Variants in HUNK observed in about 807,000 individuals in gnomAD.
HUNK encodes hormonally up-regulated Neu-associated kinase.
Under a neutral mutation model 61.0 loss-of-function variants are expected in HUNK, and 21 were observed. That is an observed-to-expected ratio of 0.34 (90% confidence interval 0.24 to 0.50). The LOEUF (loss-of-function observed/expected upper bound fraction) is 0.50, where lower values mean the gene tolerates loss of function less well. Among genes scored for constraint, HUNK ranks in the 20% least tolerant of loss-of-function variants. HUNK has a pLI of 0.98. For missense variants in HUNK, 772 were observed against 945.7 expected, an observed-to-expected ratio of 0.82 and a Z score of 2.41; for synonymous variants, 371 against 386.1, an observed-to-expected ratio of 0.96 and a Z score of 0.46.
intron 9 of HUNK, among the ~76,000 whole-genome samples, chr21:31,991,685 C>G (rs1006667140): frequency 7.2e-5 from 11 of 152,184 alleles, no homozygotes; most frequent in African/African-American, 1.7e-4. Context: ...GACCAAACAG[C>G]CTGGTGAGGC....
intron 5 of HUNK, among the ~76,000 whole-genome samples, chr21:31,964,390 C>T (rs1034841893): frequency 1.3e-5 from 2 of 152,242 alleles, no homozygotes; most frequent in African/African-American, 4.8e-5. Flanking sequence ...AGCCCTTTCA[C>T]TTGGTACAGT....
intron 6 of HUNK, among the ~76,000 whole-genome samples, chr21:31,973,116 C>G (rs567341712): frequency 6.6e-6 from 1 of 151,594 alleles, no homozygotes; most frequent in African/African-American, 2.4e-5. Context: ...TCCGATTGCC[C>G]TCTTTGTATC....
chr21:31,971,360 C>G (rs1281396602), intron 6 of HUNK, among the ~76,000 whole-genome samples: 1 of 152,140 alleles, frequency 6.6e-6, no homozygotes, highest in South Asian at 2.1e-4. Flanking sequence ...GCGTGAGCCA[C>G]CACCGTGCCT....
intron 1 of HUNK, among the ~76,000 whole-genome samples, chr21:31,885,238 A>G (rs1469034452): frequency 6.6e-6 from 1 of 152,248 alleles, no homozygotes; most frequent in African/African-American, 2.4e-5. Flanking sequence ...TAACTTGGAC[A>G]TAAAATGCAC....
intron 2 of HUNK, among the ~76,000 whole-genome samples, chr21:31,934,287 CA>C (rs1432528442): frequency 1.3e-5 from 2 of 151,492 alleles, no homozygotes; most frequent in Non-Finnish European, 2.9e-5. Flanking sequence ...ACTAAAAATA[CA>C]AAAAATTAGC....
chr21:31,914,400 C>T (rs1396611279), intron 1 of HUNK, among the ~76,000 whole-genome samples: 2 of 91,176 alleles, frequency 2.2e-5, no homozygotes, highest in Non-Finnish European at 3.9e-5. Context: ...AAGAGTGAAA[C>T]TCTGTCTCAA....
intron 7 of HUNK, among the ~76,000 whole-genome samples, chr21:31,979,433 A>G (rs997169474): frequency 9.8e-6 from 1 of 102,524 alleles, no homozygotes; most frequent in Non-Finnish European, 2.1e-5. Flanking sequence ...GGCCATTTCT[A>G]TGTCTTCTTT....
chr21:31,957,281 G>T (rs888589605), intron 4 of HUNK, among the ~76,000 whole-genome samples: 1 of 152,204 alleles, frequency 6.6e-6, no homozygotes, highest in Non-Finnish European at 1.5e-5. Flanking sequence ...CTATAGTCTT[G>T]CCTGGGGCAG....
In HUNK at chr21:31,968,335, T is replaced by G. The variant is rs61743707; in HGVS notation, c.960T>G (p.Leu320=). ...NIQQALANRW[L]NENYTGKVPC... ...AGCAGGCACTGGCGAATCGCTGGCT[T>G]AATGAGAATTACACGGGCAAAGTGC... The change falls in exon 6 of 11, where the codon CTT becomes CTG. Residue 320 remains leucine, a synonymous_variant. Coordinates refer to ENST00000270112, the MANE Select transcript of HUNK (RefSeq NM_014586.2). The G allele has an allele frequency of 2.5e-3, 4,025 of 1,614,180 alleles. 90 individuals carry two copies. In the African/African-American group the frequency reaches 0.046, roughly 19 times the overall value.
chr21:31,929,983 G>C (rs1482041348), intron 2 of HUNK, among the ~76,000 whole-genome samples: 1 of 152,222 alleles, frequency 6.6e-6, no homozygotes, highest in East Asian at 1.9e-4. Flanking sequence ...AGGGCCTTCT[G>C]CTGAGAGCAA....
At chr21:31,897,910 C>T (rs1356152707) in intron 1 of HUNK, among the ~76,000 whole-genome samples, 1 of 152,144 alleles carries the variant, frequency 6.6e-6, no homozygotes, top group East Asian at 1.9e-4. Flanking sequence ...GAGATGCTCA[C>T]CTCCTCCCCT....
chr21:31,949,056 C>A (rs1460399241), intron 4 of HUNK, among the ~76,000 whole-genome samples: 5 of 152,224 alleles, frequency 3.3e-5, no homozygotes, highest in African/African-American at 1.2e-4. Flanking sequence ...CTCTTGCCCC[C>A]AGTTTGCACG....
chr21:31,993,457 GTGT>G (rs1016082572), intron 9 of HUNK, among the ~76,000 whole-genome samples: 108 of 152,342 alleles, frequency 7.1e-4, no homozygotes, highest in African/African-American at 2.4e-3. Flanking sequence ...AGGAACTGCC[GTGT>G]TGTCTTTTCT....
At chr21:31,931,195 C>T (rs745823248) in intron 2 of HUNK, among the ~76,000 whole-genome samples, 4 of 151,974 alleles carry the variant, frequency 2.6e-5, no homozygotes, top group Admixed American at 6.6e-5. Context: ...TGTGACCATC[C>T]CTGTAGGCAA....
chr21:31,919,142 G>A (rs1207935379), intron 1 of HUNK, among the ~76,000 whole-genome samples: 8 of 134,812 alleles, frequency 5.9e-5, no homozygotes, highest in Non-Finnish European at 1.1e-4. Context: ...TGGACTGAGC[G>A]GTATGAGGAG....
At chr21:31,916,259 C>T (rs2052582227) in intron 1 of HUNK, among the ~76,000 whole-genome samples, 2 of 151,778 alleles carry the variant, frequency 1.3e-5, no homozygotes, top group African/African-American at 2.4e-5. Context: ...ACCATGTTAG[C>T]CAGGATGGTC....
intron 1 of HUNK, among the ~76,000 whole-genome samples, chr21:31,923,456 A>G (rs2052636391): frequency 6.7e-6 from 1 of 149,564 alleles, no homozygotes; most frequent in Non-Finnish European, 1.5e-5. Context: ...AAAGAGAAAA[A>G]GAGAGAGATA....
chr21:31,966,966 C>T (rs1172466270), intron 5 of HUNK, among the ~76,000 whole-genome samples: 3 of 152,122 alleles, frequency 2.0e-5, no homozygotes, highest in Non-Finnish European at 2.9e-5. Flanking sequence ...CAAGACAGAC[C>T]GTCTGCATTT....
At position 32,002,876 on chromosome 21, in the gene HUNK, A is replaced by C. The variant is rs1324181923; in HGVS notation, c.*3692A>C. On this transcript the variant is annotated 3_prime_UTR_variant, in exon 11 of 11. Coordinates refer to ENST00000270112, the MANE Select transcript of HUNK (RefSeq NM_014586.2). ...CTCACTGTTCACTGTGCAAAGCCCC[A>C]GTAGTCGGATTCCGGGGAAAAGAAC... 1 of 152,270 alleles carries C rather than the reference A, an allele frequency of 6.6e-6. No homozygotes were observed. Among genetic ancestry groups the C allele is most frequent in the Non-Finnish European group, 1.5e-5 (1 of 68,056 alleles). 9.4% of individuals were successfully genotyped at this position (152,270 alleles called of 1,614,324 possible).
Sources: allele counts gnomAD v4.1 joint callset (sites outside exome capture counted in the v4.1 genomes callset), GRCh38; gene constraint gnomAD v4.1.1; transcripts MANE v1.5; gene names NCBI Gene and HGNC (gene_info 2026-07-23, HGNC 2026-07-21).